KIF9: variants seen among roughly 807,000 people sequenced by gnomAD.
KIF9 encodes kinesin family member 9.
KIF9 carries 68 observed loss-of-function variants against 94.8 expected under a neutral mutation model. The ratio of observed to expected loss-of-function variants is 0.72; its 90% CI spans 0.59 to 0.88. The LOEUF is 0.88. Ranked by LOEUF, KIF9 falls within the 40% of genes least tolerant of loss-of-function variation. The pLI is 0.00. For missense variants in KIF9, 882 were observed against 982.5 expected, an observed-to-expected ratio of 0.90 and a Z score of 1.37; for synonymous variants, 343 against 362.1, an observed-to-expected ratio of 0.95 and a Z score of 0.60.
intron 12 of KIF9, chr3:47,246,453 T>C (rs1575978091): frequency 1.3e-5 from 5 of 371,400 alleles, no homozygotes. Flanking sequence ...TTAATAATTT[T>C]AAAACTAAGT....
intron 8 of KIF9, among the ~76,000 whole-genome samples, 181 bp downstream of exon 8, chr3:47,265,549 G>C (rs542724072): frequency 5.9e-5 from 9 of 152,188 alleles, no homozygotes; most frequent in Non-Finnish European, 1.3e-4. Context: ...AGCATAGTGT[G>C]TTCTGGGCAC....
chr3:47,253,505 C>T (rs1700397371), intron 10 of KIF9, among the ~76,000 whole-genome samples: 1 of 151,742 alleles, frequency 6.6e-6, no homozygotes, highest in South Asian at 2.1e-4. Context: ...AAATGTGAAG[C>T]TTCTGCATAC....
intron 4 of KIF9, among the ~76,000 whole-genome samples, chr3:47,272,761 T>C (rs1405960821): frequency 2.0e-5 from 3 of 152,246 alleles, no homozygotes; most frequent in African/African-American, 7.2e-5. Context: ...ATATTTCTAT[T>C]AGTGGCACTG....
chr3:47,280,800 G>C (rs1197458483), intron 1 of KIF9, among the ~76,000 whole-genome samples: 2 of 152,032 alleles, frequency 1.3e-5, no homozygotes, highest in African/African-American at 4.8e-5. Flanking sequence ...GCTTCCCAAG[G>C]CCCTCCCATG....
At chr3:47,245,144 C>CTTTCTTCCCAGGTTTGGTAGAGAA in intron 14 of KIF9, 1 of 612,848 alleles carries the variant, frequency 1.6e-6, no homozygotes. Flanking sequence ...ACCAGTATGG[C>CTTTCTTCCCAGGTTTGGTAGAGAA]ACCTCATTCC....
chr3:47,252,466 G>A (rs2107299509), intron 10 of KIF9, among the ~76,000 whole-genome samples: 1 of 152,020 alleles, frequency 6.6e-6, no homozygotes, highest in Admixed American at 6.5e-5. Flanking sequence ...GCGTGGTGGC[G>A]CAGGCCTGTG....
intron 20 of KIF9, among the ~76,000 whole-genome samples, chr3:47,232,358 C>T (rs1330677907): frequency 6.6e-6 from 1 of 152,054 alleles, no homozygotes; most frequent in Non-Finnish European, 1.5e-5. Flanking sequence ...GATCTCAGCT[C>T]ACCGCAACCT....
At chr3:47,244,500 T>C (rs1211874833) in intron 15 of KIF9, 3 of 330,132 alleles carry the variant, frequency 9.1e-6, no homozygotes, top group Non-Finnish European at 1.7e-5. Context: ...ATTGGTGGTA[T>C]GGCCTTGGTG....
chr3:47,280,064 C>CACCTCA (rs1267190987), intron 1 of KIF9, among the ~76,000 whole-genome samples: 1 of 152,134 alleles, frequency 6.6e-6, no homozygotes, highest in Non-Finnish European at 1.5e-5. Context: ...GCAATCCTCC[C>CACCTCA]ACCTCAACCT....
At chr3:47,262,123 G>T (rs1400208834) in intron 9 of KIF9, among the ~76,000 whole-genome samples, 2 of 152,116 alleles carry the variant, frequency 1.3e-5, no homozygotes, top group Non-Finnish European at 2.9e-5. Flanking sequence ...CGGGTACCAG[G>T]AGTTGTTTCC....
chr3:47,239,620 A>C lies in KIF9; in HGVS notation c.1924+1181T>G, dbSNP rs1356452557. On this transcript the variant is annotated intron_variant, in intron 17 of 20. Transcript: ENST00000684063. ...ATATTTTTTTTCCAAGACAGTCTTC[A>C]TCTGTCACCCAGACTGGAGTGCAGT... is the stretch of plus-strand genomic sequence containing the variant. 4 of 1,048,796 alleles carry C rather than the reference A, an allele frequency of 3.8e-6. No homozygotes were observed. In the African/African-American group the frequency reaches 5.0e-5, roughly 13 times the overall value. The allele number at this position is 1,048,796 out of a possible 1,614,324, so 65.0% of individuals were successfully genotyped here.
chr3:47,239,749 T>G, intron 17 of KIF9: 1 of 1,318,984 alleles, frequency 7.6e-7, no homozygotes. Context: ...CACCACGCCC[T>G]GCTCCTCTGA....
At chr3:47,261,323 T>TG (rs898626460) in intron 9 of KIF9, among the ~76,000 whole-genome samples, 8 of 152,182 alleles carry the variant, frequency 5.3e-5, no homozygotes, top group Non-Finnish European at 7.4e-5. Flanking sequence ...GAGTGATGCC[T>TG]GGGGGGTCGC....
rs571610242 is a variant in KIF9 at position 47,275,416 on chromosome 3, C to T, written c.168G>A (p.Lys56=). 1 of 1,613,540 alleles carries T rather than the reference C, an allele frequency of 6.2e-7. No homozygotes were observed. Among genetic ancestry groups the T allele is most frequent in the East Asian group, 2.2e-5 (1 of 44,880 alleles). Residue 56 remains lysine, a synonymous_variant, in exon 3 of 21, where the codon AAG becomes AAA. Transcript: ENST00000684063. ...AGGCATCGTGAAGAACTCCATCCAA[C>T]TTAAACGACCAGTCTGTCTGTTGGT... ...VNNQQTDWSF[K]LDGVLHDASQ...
chr3:47,234,862 T>C (rs567684554), intron 20 of KIF9, among the ~76,000 whole-genome samples: 1 of 152,334 alleles, frequency 6.6e-6, no homozygotes, highest in African/African-American at 2.4e-5. Flanking sequence ...AGCCATATAC[T>C]TTCATGCTTT....
chr3:47,281,568 G>C (rs1702357087), intron 1 of KIF9, among the ~76,000 whole-genome samples: 1 of 152,070 alleles, frequency 6.6e-6, no homozygotes, highest in Admixed American at 6.5e-5. Context: ...GGCTGGTCTT[G>C]AACTCCTGAG....
At chr3:47,238,911 C>T (rs1432882858) in intron 17 of KIF9, among the ~76,000 whole-genome samples, 1 of 152,202 alleles carries the variant, frequency 6.6e-6, no homozygotes, top group Non-Finnish European at 1.5e-5. Flanking sequence ...GATCTGCCCG[C>T]CTCGGCCTCC....
chr3:47,282,270 C>A, intron 1 of KIF9: 1 of 985,566 alleles, frequency 1.0e-6, no homozygotes, highest in Non-Finnish European at 1.2e-6. Context: ...CGACGTGGGA[C>A]CCCTTTGTGG....
At chr3:47,245,774 G>A (rs531405817) in intron 13 of KIF9, 5 of 526,998 alleles carry the variant, frequency 9.5e-6, no homozygotes, top group South Asian at 4.7e-5. Context: ...GATAAGGACC[G>A]TAAGCTTCAC....
Sources: gnomAD v4.1 joint callset for allele counts (sites outside exome capture counted in the v4.1 genomes callset) on GRCh38, gnomAD v4.1.1 for gene constraint, MANE v1.5 for transcripts, NCBI Gene and HGNC (gene_info 2026-07-23, HGNC 2026-07-21) for gene names.